EXOC4: variants seen among roughly 807,000 people sequenced by gnomAD.
EXOC4 encodes exocyst complex component 4.
Under a neutral mutation model 107.2 loss-of-function variants are expected in EXOC4, and 71 were observed. The ratio of observed to expected loss-of-function variants is 0.66; its 90% CI spans 0.55 to 0.81. EXOC4 has a LOEUF of 0.81. EXOC4 is among the 30% of genes least tolerant of loss of function. The pLI is 0.00. For synonymous variants in EXOC4, 456 were observed against 441.2 expected (o/e 1.03, Z -0.42); for missense variants, 1,108 against 1,189.6 (o/e 0.93, Z 1.01).
At chr7:133,862,134 T>C (rs1456693889) in intron 11 of EXOC4, among the ~76,000 whole-genome samples, 1 of 152,074 alleles carries the variant, frequency 6.6e-6, no homozygotes, top group African/African-American at 2.4e-5. Flanking sequence ...CTGGCTCATA[T>C]GGTTCATGTC....
chr7:133,362,867 G>A (rs906844192), intron 6 of EXOC4, among the ~76,000 whole-genome samples: 2 of 152,004 alleles, frequency 1.3e-5, no homozygotes, highest in African/African-American at 4.8e-5. Context: ...CTAAGTATCC[G>A]AAATGCAGGA....
At chr7:133,368,369 A>G (rs1796291623) in intron 6 of EXOC4, among the ~76,000 whole-genome samples, 1 of 152,202 alleles carries the variant, frequency 6.6e-6, no homozygotes, top group Non-Finnish European at 1.5e-5. Flanking sequence ...CAGAATTATT[A>G]TTATGGAATA....
intron 6 of EXOC4, among the ~76,000 whole-genome samples, chr7:133,358,945 G>A (rs982981741): frequency 2.2e-4 from 34 of 152,060 alleles, no homozygotes; most frequent in African/African-American, 7.2e-4. Flanking sequence ...AGTGTCTTTC[G>A]TTTGTCCGTA....
chr7:134,004,104 T>C (rs893996159), intron 15 of EXOC4, among the ~76,000 whole-genome samples: 1 of 152,122 alleles, frequency 6.6e-6, no homozygotes, highest in Non-Finnish European at 1.5e-5. Flanking sequence ...CTTTTAGTCA[T>C]TTTTTTCTTA....
In EXOC4 at chr7:133,516,758, A is replaced by ATTTTTTTTTTTTTTTTTTTTTT. The variant is rs780319592; in HGVS notation, c.1417+36634_1417+36635insTTTTTTTTTTTTTTTTTTTTTT. Reference sequence around the variant, plus strand: ...TGGGAAACTGCCAAACTAGCTGCTCATTTTTTTTTTTTTTACAGAATTTAT... The same window carrying ATTTTTTTTTTTTTTTTTTTTTT: ...TGGGAAACTGCCAAACTAGCTGCTCATTTTTTTTTTTTTTTTTTTTTTTTTTTTTTTTTTTTACAGAATTTAT... On this transcript the variant is annotated intron_variant, in intron 9 of 17. Coordinates refer to ENST00000253861, the MANE Select transcript of EXOC4 (RefSeq NM_021807.4). Among the ~76,000 whole-genome samples the ATTTTTTTTTTTTTTTTTTTTTT allele has an allele frequency of 9.1e-3, 448 of 49,030 alleles. 152 individuals are homozygous for ATTTTTTTTTTTTTTTTTTTTTT. The highest frequency in any genetic ancestry group is 0.011 in the Non-Finnish European group (288 of 25,536). 32.2% of individuals were successfully genotyped at this position (49,030 alleles called of 152,430 possible).
chr7:133,387,319 T>C (rs993419322), intron 7 of EXOC4, among the ~76,000 whole-genome samples: 1 of 152,188 alleles, frequency 6.6e-6, no homozygotes, highest in Non-Finnish European at 1.5e-5. Context: ...TAAATGAAGA[T>C]AGAATTATGA....
At position 133,597,319 on chromosome 7, in the gene EXOC4, C is replaced by T. The variant is rs149370906; in HGVS notation, c.1418-32726C>T. On this transcript the variant is annotated intron_variant, in intron 9 of 17. Transcript: ENST00000253861. ...CTGTAATCCCAGCACTTTGGGAGGCCGAGGCGGGTGGATCACCTAAGATTA... is the reference window on the plus strand; with the variant it reads ...CTGTAATCCCAGCACTTTGGGAGGCTGAGGCGGGTGGATCACCTAAGATTA... Among the ~76,000 whole-genome samples, 451 of 151,828 alleles carry T rather than the reference C, an allele frequency of 3.0e-3. 5 individuals are homozygous for T. The highest frequency in any genetic ancestry group is 9.6e-3 in the African/African-American group (397 of 41,406).
At position 133,516,758 on chromosome 7, in the gene EXOC4, A is replaced by ATTTTTTTTTTTTTTTTTTTTTTTTTTTTT. The variant is rs780319592; in HGVS notation, c.1417+36634_1417+36635insTTTTTTTTTTTTTTTTTTTTTTTTTTTTT. Among the ~76,000 whole-genome samples, 12 of 49,032 alleles carry ATTTTTTTTTTTTTTTTTTTTTTTTTTTTT rather than the reference A, an allele frequency of 2.4e-4. 2 individuals are homozygous for ATTTTTTTTTTTTTTTTTTTTTTTTTTTTT. Among genetic ancestry groups the ATTTTTTTTTTTTTTTTTTTTTTTTTTTTT allele is most frequent in the South Asian group, 1.1e-3 (1 of 890 alleles). 32.2% of individuals were successfully genotyped at this position (49,032 alleles called of 152,430 possible). On this transcript the variant is annotated intron_variant, in intron 9 of 17. Coordinates refer to ENST00000253861, the MANE Select transcript of EXOC4 (RefSeq NM_021807.4). The stretch of plus-strand genomic sequence containing the variant: ...TGGGAAACTGCCAAACTAGCTGCTC[A>ATTTTTTTTTTTTTTTTTTTTTTTTTTTTT]TTTTTTTTTTTTTTACAGAATTTAT...
chr7:133,681,634 C>A (rs1000007505), intron 10 of EXOC4, among the ~76,000 whole-genome samples: 2 of 152,042 alleles, frequency 1.3e-5, no homozygotes, highest in African/African-American at 4.8e-5. Context: ...CCTCCTGGGT[C>A]CCCCCTACAA....
intron 7 of EXOC4, among the ~76,000 whole-genome samples, chr7:133,407,504 G>T (rs1003197177): frequency 3.9e-5 from 6 of 152,200 alleles, no homozygotes; most frequent in African/African-American, 1.4e-4. Flanking sequence ...CTACGATTGG[G>T]TATAGAGGTT....
At chr7:133,855,068 TCTAAATATATCTAA>T (rs1240161910) in intron 11 of EXOC4, among the ~76,000 whole-genome samples, 2 of 76,410 alleles carry the variant, frequency 2.6e-5, no homozygotes, top group African/African-American at 1.0e-4. Context: ...TCTAAATATA[TCTAAATATATCTAA>T]ATATATATAA....
intron 10 of EXOC4, among the ~76,000 whole-genome samples, chr7:133,812,184 C>G (rs1264459737): frequency 6.6e-6 from 1 of 152,142 alleles, no homozygotes; most frequent in Non-Finnish European, 1.5e-5. Context: ...ACACTTTCCT[C>G]TAATCTCCAG....
At chr7:133,368,880 A>G (rs950285212) in intron 6 of EXOC4, among the ~76,000 whole-genome samples, 2 of 152,202 alleles carry the variant, frequency 1.3e-5, no homozygotes, top group Non-Finnish European at 2.9e-5. Context: ...TACTAATTCA[A>G]TTCAGCTTAA....
At chr7:133,414,522 C>T (rs1183261931) in intron 7 of EXOC4, among the ~76,000 whole-genome samples, 1 of 152,044 alleles carries the variant, frequency 6.6e-6, no homozygotes, top group Admixed American at 6.6e-5. Flanking sequence ...CAAGGGTGTT[C>T]ATTGTAGCAC....
chr7:133,441,577 A>G (rs373055938), intron 7 of EXOC4, among the ~76,000 whole-genome samples: 1 of 151,904 alleles, frequency 6.6e-6, no homozygotes, highest in Admixed American at 6.6e-5. Context: ...TTTTTTCTGT[A>G]GAGATGTGGT....
intron 9 of EXOC4, among the ~76,000 whole-genome samples, chr7:133,494,438 C>A (rs959635022): frequency 6.6e-6 from 1 of 152,168 alleles, no homozygotes; most frequent in Non-Finnish European, 1.5e-5. Context: ...AGCATGTCTG[C>A]TGAAAGAGGA....
intron 11 of EXOC4, among the ~76,000 whole-genome samples, chr7:133,883,888 C>G (rs1046633088): frequency 6.6e-6 from 1 of 152,200 alleles, no homozygotes; most frequent in Non-Finnish European, 1.5e-5. Flanking sequence ...GTTTAAACAT[C>G]ACACAAATCA....
At position 134,030,885 on chromosome 7, in the gene EXOC4, G is replaced by A. The variant is rs550175621; in HGVS notation, c.2687+23050G>A. Among the ~76,000 whole-genome samples, 288 of 152,028 alleles carry A rather than the reference G, an allele frequency of 1.9e-3. 3 individuals are homozygous for A. The highest frequency in any genetic ancestry group is 3.3e-3 in the Non-Finnish European group (226 of 67,996). On this transcript the variant is annotated intron_variant, in intron 17 of 17. Coordinates refer to ENST00000253861, the MANE Select transcript of EXOC4 (RefSeq NM_021807.4). ...TTTGAAGCTTTTGCAAAACCTCCTGGCCTTCCAAGAAGTTTTGCATCTTTC... is the reference window on the plus strand; with the variant it reads ...TTTGAAGCTTTTGCAAAACCTCCTGACCTTCCAAGAAGTTTTGCATCTTTC...
chr7:133,934,001 AT>A (rs1800240418), intron 13 of EXOC4, among the ~76,000 whole-genome samples: 2 of 152,130 alleles, frequency 1.3e-5, no homozygotes, highest in African/African-American at 4.8e-5. Flanking sequence ...TCATATATTT[AT>A]TTATTTTCTT....
Sources: gnomAD v4.1 joint callset for allele counts (sites outside exome capture counted in the v4.1 genomes callset) on GRCh38, gnomAD v4.1.1 for gene constraint, MANE v1.5 for transcripts, NCBI Gene and HGNC (gene_info 2026-07-23, HGNC 2026-07-21) for gene names.